Variants in NEK11 observed in about 807,000 individuals in gnomAD.
NEK11 encodes serine/threonine-protein kinase Nek11.
In NEK11, 72 loss-of-function variants were observed where a neutral mutation model predicts 80.7. That is an observed-to-expected ratio of 0.89 (90% CI 0.74 to 1.08). NEK11 has a LOEUF of 1.08. Among genes scored for constraint, NEK11 ranks in the 50% least tolerant of loss-of-function variants. The pLI, the probability that NEK11 is intolerant of heterozygous loss-of-function variation, is 0.00. For synonymous variants in NEK11, 251 were observed against 260.7 expected, an observed-to-expected ratio of 0.96 and a Z score of 0.36; for missense variants, 764 against 763.6, an observed-to-expected ratio of 1.00 and a Z score of -0.01.
chr3:131,048,948 C>A (rs780116752), intron 3 of NEK11, among the ~76,000 whole-genome samples: 1 of 152,190 alleles, frequency 6.6e-6, no homozygotes. Context: ...GACGCTGGCA[C>A]CTGTGTACAG....
intron 16 of NEK11, among the ~76,000 whole-genome samples, chr3:131,260,246 G>C (rs2095891269): frequency 1.4e-5 from 2 of 147,562 alleles, no homozygotes; most frequent in Non-Finnish European, 2.9e-5. Context: ...GCACTTCTAT[G>C]GGATGTTAGA....
intron 3 of NEK11, among the ~76,000 whole-genome samples, chr3:131,039,176 G>A (rs6794497): frequency 0.18 from 26,598 of 151,762 alleles, 2,424 homozygotes; most frequent in Non-Finnish European, 0.21. Context: ...TACCTTGTAG[G>A]TTTTTTTTCC....
intron 16 of NEK11, among the ~76,000 whole-genome samples, chr3:131,264,055 G>A (rs1225837111): frequency 1.3e-5 from 2 of 152,048 alleles, no homozygotes; most frequent in Admixed American, 6.6e-5. Context: ...CTTTTTGATG[G>A]GGTTGTTTGA....
At position 131,284,144 on chromosome 3, in the gene NEK11, C is replaced by A. The variant is rs145658828; in HGVS notation, c.1718+10570C>A. ...ACTCTGGAAGTTCAGAGGAGGAGGC[C>A]CATCTCTTATAAAGGAGTGAGCAGA... On this transcript the variant is annotated intron_variant, in intron 17 of 17. Coordinates refer to ENST00000383366, the MANE Select transcript of NEK11 (RefSeq NM_024800.5). Among the ~76,000 whole-genome samples the A allele has an allele frequency of 2.6e-3, 390 of 152,250 alleles. 2 individuals carry two copies. The highest frequency in any genetic ancestry group is 8.8e-3 in the African/African-American group (366 of 41,556).
At chr3:131,110,948 A>T (rs1388934991) in intron 5 of NEK11, among the ~76,000 whole-genome samples, 1 of 152,168 alleles carries the variant, frequency 6.6e-6, no homozygotes, top group Non-Finnish European at 1.5e-5. Context: ...TTAAAAGATT[A>T]TTTGACTTAA....
At chr3:131,215,614 T>C (rs2094808299) in intron 14 of NEK11, among the ~76,000 whole-genome samples, 1 of 152,118 alleles carries the variant, frequency 6.6e-6, no homozygotes, top group Admixed American at 6.5e-5. Context: ...GAAGATTTGA[T>C]TGGATACATC....
At chr3:131,055,338 C>CA (rs2069255812) in intron 3 of NEK11, among the ~76,000 whole-genome samples, 3 of 152,068 alleles carry the variant, frequency 2.0e-5, no homozygotes, top group African/African-American at 7.2e-5. Context: ...GTGAACAAAA[C>CA]AAAGTCTCTG....
intron 17 of NEK11, among the ~76,000 whole-genome samples, chr3:131,322,651 A>AG (rs1293622986): frequency 6.6e-6 from 1 of 152,124 alleles, no homozygotes; most frequent in Admixed American, 6.5e-5. Flanking sequence ...AGGTCTGAGG[A>AG]GGGGTGAGAG....
At chr3:131,145,613 G>T (rs563343548) in intron 7 of NEK11, among the ~76,000 whole-genome samples, 3 of 152,078 alleles carry the variant, frequency 2.0e-5, no homozygotes, top group African/African-American at 4.8e-5. Context: ...CTGCTTAAAA[G>T]GCTCTGTCAG....
At chr3:131,253,407 A>T (rs946171056) in intron 16 of NEK11, among the ~76,000 whole-genome samples, 7 of 152,146 alleles carry the variant, frequency 4.6e-5, no homozygotes, top group Admixed American at 1.3e-4. Flanking sequence ...AGAAATGAAA[A>T]GGGAACAGAA....
At chr3:131,156,566 G>A (rs1284233829) in intron 10 of NEK11, among the ~76,000 whole-genome samples, 1 of 152,100 alleles carries the variant, frequency 6.6e-6, no homozygotes, top group African/African-American at 2.4e-5. Flanking sequence ...TTTATTGATT[G>A]TGTCTTCTAT....
At chr3:131,255,019 T>TAAGA (rs1404136222) in intron 16 of NEK11, among the ~76,000 whole-genome samples, 3 of 133,074 alleles carry the variant, frequency 2.3e-5, no homozygotes, top group Admixed American at 1.7e-4. Context: ...AGACTCCATC[T>TAAGA]AAGAAAGAAA....
chr3:131,171,403 A>G (rs910649762), intron 14 of NEK11, among the ~76,000 whole-genome samples: 6 of 152,192 alleles, frequency 3.9e-5, no homozygotes, highest in African/African-American at 1.4e-4. Flanking sequence ...ACCTCAGACC[A>G]CACAGCAAAC....
intron 16 of NEK11, among the ~76,000 whole-genome samples, chr3:131,262,904 A>G (rs1183244163): frequency 1.3e-5 from 2 of 151,640 alleles, no homozygotes; most frequent in Non-Finnish European, 2.9e-5. Flanking sequence ...ATGAGTGAGA[A>G]CATGCAATGT....
chr3:131,203,761 GTGTGTGTATATATATATATA>G (rs1332730735), intron 14 of NEK11, among the ~76,000 whole-genome samples: 2 of 33,926 alleles, frequency 5.9e-5, no homozygotes, highest in African/African-American at 2.1e-4. Context: ...GTGTGTGTGT[GTGTGTGTATATATATATATA>G]TATATATATA....
chr3:131,087,235 CTTTTTTTTTTTT>C (rs59630167), intron 4 of NEK11, among the ~76,000 whole-genome samples: 1 of 81,204 alleles, frequency 1.2e-5, no homozygotes, highest in Non-Finnish European at 2.3e-5. Context: ...TATGCAAATT[CTTTTTTTTTTTT>C]TTTTTTTTTT....
intron 5 of NEK11, among the ~76,000 whole-genome samples, chr3:131,115,902 T>TCTTC (rs2080944147): frequency 1.4e-5 from 1 of 70,170 alleles, no homozygotes; most frequent in Non-Finnish European, 2.9e-5. Context: ...AAAGGTAGTG[T>TCTTC]TTTCTTTCTT....
chr3:131,233,443 A>G (rs1306687551), intron 15 of NEK11, among the ~76,000 whole-genome samples: 2 of 152,164 alleles, frequency 1.3e-5, no homozygotes, highest in African/African-American at 4.8e-5. Context: ...TCACAGGTGT[A>G]TTATTTCATT....
intron 14 of NEK11, among the ~76,000 whole-genome samples, chr3:131,177,572 G>A (rs980709468): frequency 7.2e-5 from 11 of 152,044 alleles, no homozygotes; most frequent in Non-Finnish European, 1.2e-4. Flanking sequence ...TCCTTGATTC[G>A]ACGTGAGAAG....
Sources: gnomAD v4.1 joint callset for allele counts (sites outside exome capture counted in the v4.1 genomes callset) on GRCh38, gnomAD v4.1.1 for gene constraint, MANE v1.5 for transcripts, NCBI Gene and HGNC (gene_info 2026-07-23, HGNC 2026-07-21) for gene names.